ADGRG7: variants seen among roughly 807,000 people sequenced by gnomAD.
ADGRG7 encodes adhesion G protein-coupled receptor G7.
Under a neutral mutation model 88.6 loss-of-function variants are expected in ADGRG7, and 82 were observed. That is an observed-to-expected ratio of 0.93 (90% CI 0.77 to 1.11). The LOEUF (loss-of-function observed/expected upper bound fraction) is 1.11. Ranked by LOEUF, ADGRG7 falls within the 50% of genes most tolerant of loss-of-function variation. The pLI is 0.00. For missense variants in ADGRG7, 945 were observed against 953.4 expected, an observed-to-expected ratio of 0.99 and a Z score of 0.12; for synonymous variants, 381 against 345.2, an observed-to-expected ratio of 1.10 and a Z score of -1.15.
chr3:100,692,943 T>C (rs937414063), intron 15 of ADGRG7, among the ~76,000 whole-genome samples: 7 of 152,204 alleles, frequency 4.6e-5, no homozygotes, highest in Non-Finnish European at 1.5e-5. Context: ...TCTAGATTTG[T>C]TTACACGTGA....
chr3:100,688,114 A>T (rs1199293906), intron 15 of ADGRG7, among the ~76,000 whole-genome samples: 2 of 152,114 alleles, frequency 1.3e-5, no homozygotes. Flanking sequence ...GGGAGAGTGT[A>T]TGTGTCGAGG....
chr3:100,611,490 A>G (rs1349094939), intron 1 of ADGRG7, among the ~76,000 whole-genome samples: 1 of 152,214 alleles, frequency 6.6e-6, no homozygotes. Flanking sequence ...TGGGGGACAG[A>G]AAACCTGAAA....
chr3:100,641,384 A>T (rs1707639595), intron 6 of ADGRG7, among the ~76,000 whole-genome samples: 1 of 152,232 alleles, frequency 6.6e-6, no homozygotes, highest in Non-Finnish European at 1.5e-5. Context: ...GGAAATGTGT[A>T]TTTAACATTC....
intron 8 of ADGRG7, among the ~76,000 whole-genome samples, chr3:100,644,511 A>G (rs547206579): frequency 1.1e-4 from 16 of 152,136 alleles, no homozygotes; most frequent in Non-Finnish European, 2.2e-4. Flanking sequence ...AGGTAAACAA[A>G]TATCAATTTT....
At chr3:100,619,786 G>A (rs1397958330) in intron 1 of ADGRG7, among the ~76,000 whole-genome samples, 2 of 152,070 alleles carry the variant, frequency 1.3e-5, no homozygotes, top group Non-Finnish European at 2.9e-5. Context: ...ACACCTCTAC[G>A]CAAATAAACT....
chr3:100,679,675 A>G (rs2094970353), intron 15 of ADGRG7, among the ~76,000 whole-genome samples: 1 of 152,240 alleles, frequency 6.6e-6, no homozygotes, highest in South Asian at 2.1e-4. Context: ...AGAATATAGT[A>G]GCAATAGAGT....
intron 5 of ADGRG7, among the ~76,000 whole-genome samples, chr3:100,636,291 T>C (rs1363139799): frequency 6.6e-6 from 1 of 152,240 alleles, no homozygotes; most frequent in Non-Finnish European, 1.5e-5. Flanking sequence ...TGAATATGTT[T>C]ACCAACTACA....
chr3:100,667,057 C>T (rs2094952762), intron 14 of ADGRG7, among the ~76,000 whole-genome samples: 1 of 152,150 alleles, frequency 6.6e-6, no homozygotes, highest in African/African-American at 2.4e-5. Context: ...TCTTTCTATA[C>T]AGACACAGTA....
At chr3:100,636,410 T>C (rs990912225) in intron 5 of ADGRG7, among the ~76,000 whole-genome samples, 24 of 152,386 alleles carry the variant, frequency 1.6e-4, no homozygotes, top group African/African-American at 4.3e-4. Flanking sequence ...TATTTACATT[T>C]TAGTCTTGGC....
At chr3:100,679,306 G>C (rs1165398817) in intron 15 of ADGRG7, among the ~76,000 whole-genome samples, 1 of 152,174 alleles carries the variant, frequency 6.6e-6, no homozygotes, top group African/African-American at 2.4e-5. Flanking sequence ...AAGCCCAAAG[G>C]CTCTTCAGTC....
chr3:100,625,177 G>A (rs1707365423), intron 1 of ADGRG7, among the ~76,000 whole-genome samples: 1 of 152,216 alleles, frequency 6.6e-6, no homozygotes, highest in South Asian at 2.1e-4. Context: ...AAGATGGAAT[G>A]TTTATCCATT....
chr3:100,657,759 T>C lies in ADGRG7; in HGVS notation c.1823+1764T>C, dbSNP rs374646964. Among the ~76,000 whole-genome samples, 3 of 152,354 alleles carry C rather than the reference T, an allele frequency of 2.0e-5. No individual in the cohort carries two copies. In the East Asian group the frequency reaches 5.8e-4, roughly 29 times the overall value. On this transcript the variant is annotated intron_variant, in intron 13 of 15. Coordinates refer to ENST00000273352, the MANE Select transcript of ADGRG7 (RefSeq NM_032787.3). The stretch of plus-strand genomic sequence containing the variant: ...GATAAACTTGGCACTATTTTATTTA[T>C]GGATGGACTTATTATTGTATCTGTT...
At chr3:100,631,087 CAATT>C (rs1355357573) in intron 3 of ADGRG7, among the ~76,000 whole-genome samples, 1 of 151,678 alleles carries the variant, frequency 6.6e-6, no homozygotes, top group Non-Finnish European at 1.5e-5. Context: ...TCCTGGAGTT[CAATT>C]AAATTGACAT....
intron 6 of ADGRG7, among the ~76,000 whole-genome samples, chr3:100,642,881 A>G (rs1707668648): frequency 6.6e-6 from 1 of 152,206 alleles, no homozygotes; most frequent in Admixed American, 6.5e-5. Flanking sequence ...AAGATGAATA[A>G]ATGGAAATGG....
At chr3:100,667,073 C>G (rs1444673378) in intron 14 of ADGRG7, among the ~76,000 whole-genome samples, 1 of 152,118 alleles carries the variant, frequency 6.6e-6, no homozygotes, top group Non-Finnish European at 1.5e-5. Context: ...CAGTAACAAT[C>G]TGATCTCTCT....
At chr3:100,643,185 CT>C in intron 6 of ADGRG7, 80 bp from the exon 7 acceptor site, 2 of 1,223,730 alleles carry the variant, frequency 1.6e-6, no homozygotes, top group Non-Finnish European at 2.3e-6. Context: ...TCATGTCTTT[CT>C]GCTGTAGTGT....
chr3:100,622,804 C>T (rs1051726371), intron 1 of ADGRG7, among the ~76,000 whole-genome samples: 7 of 151,972 alleles, frequency 4.6e-5, no homozygotes, highest in African/African-American at 1.7e-4. Flanking sequence ...CTCTGTTGCC[C>T]AGGCTGGAGT....
At chr3:100,623,959 A>G (rs1411546253) in intron 1 of ADGRG7, among the ~76,000 whole-genome samples, 2 of 152,128 alleles carry the variant, frequency 1.3e-5, no homozygotes, top group Non-Finnish European at 2.9e-5. Flanking sequence ...ATTGATGGAC[A>G]TTTGGGTTGG....
intron 1 of ADGRG7, among the ~76,000 whole-genome samples, chr3:100,622,637 CA>C (rs1242620266): frequency 1.3e-5 from 2 of 152,196 alleles, no homozygotes; most frequent in African/African-American, 4.8e-5. Context: ...TCACAATTTA[CA>C]AATTGCAATT....
Sources: allele counts gnomAD v4.1 joint callset (sites outside exome capture counted in the v4.1 genomes callset), GRCh38; gene constraint gnomAD v4.1.1; transcripts MANE v1.5; gene names NCBI Gene and HGNC (gene_info 2026-07-23, HGNC 2026-07-21).